GYPB: variants seen among roughly 807,000 people sequenced by gnomAD.
GYPB encodes glycophorin B (MNS blood group), also known as glycophorin-B.
GYPB carries 13 observed loss-of-function variants against 15.3 expected under a neutral mutation model. The ratio of observed to expected loss-of-function variants is 0.85; its 90% CI spans 0.55 to 1.35. The LOEUF (loss-of-function observed/expected upper bound fraction) is 1.35, where lower values mean the gene tolerates loss of function less well. Ranked by LOEUF, GYPB falls within the 40% of genes most tolerant of loss-of-function variation. The pLI, the probability that GYPB is intolerant of heterozygous loss-of-function variation, is 0.00. For synonymous variants in GYPB, 38 were observed against 36.9 expected (o/e 1.03, Z -0.11); for missense variants, 131 against 108.3 (o/e 1.21, Z -0.93).
intron 1 of GYPB, chr4:144,012,633 C>A (rs531839540): frequency 7.6e-4 from 115 of 151,616 alleles, no homozygotes; most frequent in Admixed American, 3.2e-3. Flanking sequence ...ACATATTCTT[C>A]GGATAGAATT....
intron 1 of GYPB, among the ~76,000 whole-genome samples, chr4:144,017,418 T>C (rs1728564010): frequency 6.6e-6 from 1 of 150,936 alleles, no homozygotes; most frequent in South Asian, 2.1e-4. Flanking sequence ...GGGGAAAAAC[T>C]TGATCTTCCA....
chr4:144,017,616 T>A lies in GYPB; in HGVS notation c.37+1635A>T, dbSNP rs2667355. ...ATCTGCTTGTGTAGTTGTAGAAATT[T>A]AAAAAAAAAATCATTTCTTTGCCAG... On this transcript the variant is annotated intron_variant, in intron 1 of 4. Coordinates refer to ENST00000502664, the MANE Select transcript of GYPB (RefSeq NM_002100.6). 2.2e-4 allele frequency among the ~76,000 whole-genome samples: 33 copies of A among 149,138 alleles called. 2 individuals are homozygous for A. Among genetic ancestry groups the A allele is most frequent in the African/African-American group, 5.5e-4 (22 of 39,964 alleles).
At chr4:143,999,609 A>T (rs1236508829) in intron 2 of GYPB, among the ~76,000 whole-genome samples, 160 bp from the exon 3 acceptor site, 1 of 151,482 alleles carries the variant, frequency 6.6e-6, no homozygotes, top group Non-Finnish European at 1.5e-5. Flanking sequence ...TTATGAGGTA[A>T]TGTGTCAGTC....
At chr4:144,010,634 T>C (rs1249115188) in intron 1 of GYPB, among the ~76,000 whole-genome samples, 1 of 151,388 alleles carries the variant, frequency 6.6e-6, no homozygotes, top group Admixed American at 6.6e-5. Flanking sequence ...TACTTGATTA[T>C]GTTTTGAGCC....
Position 144,012,477 on chromosome 4 carries a change from C to G in GYPB, c.37+6774G>C, listed in dbSNP as rs183664424. ...TTTTTGCAAGAATGGAAAACCTAAT[C>G]CTAAAATTTCTGTGAAATTATTAGG... On this transcript the variant is annotated intron_variant, in intron 1 of 4. Transcript: ENST00000502664. The G allele has an allele frequency of 2.0e-5, 3 of 151,498 alleles. No individual in the cohort carries two copies. In the East Asian group the frequency reaches 5.8e-4, roughly 29 times the overall value. 9.4% of individuals were successfully genotyped at this position (151,498 alleles called of 1,614,324 possible). A position where few individuals can be genotyped will look rare whatever the true frequency, so the allele number is the denominator to read the frequency against.
At chr4:144,009,173 C>G (rs1728082440) in intron 1 of GYPB, among the ~76,000 whole-genome samples, 1 of 151,320 alleles carries the variant, frequency 6.6e-6, no homozygotes, top group Non-Finnish European at 1.5e-5. Context: ...GTGTGTGAAA[C>G]AGACAGAGTT....
intron 1 of GYPB, among the ~76,000 whole-genome samples, chr4:144,013,906 TTAAAG>T (rs763430534): frequency 2.3e-4 from 34 of 150,438 alleles, no homozygotes; most frequent in African/African-American, 6.3e-4. Context: ...ACCCTAAAAC[TTAAAG>T]TATAGTAAAA....
intron 1 of GYPB, among the ~76,000 whole-genome samples, chr4:144,004,363 A>G (rs1264773260): frequency 6.6e-6 from 1 of 151,970 alleles, no homozygotes; most frequent in African/African-American, 2.4e-5. Context: ...TTCAGTAGGA[A>G]TTAATACCCA....
chr4:144,005,840 G>A (rs146997673), intron 1 of GYPB, among the ~76,000 whole-genome samples: 4,717 of 151,524 alleles, frequency 0.031, 102 homozygotes, highest in Admixed American at 0.051. Context: ...TGTATCACTG[G>A]ATGAACCCTG....
intron 1 of GYPB, among the ~76,000 whole-genome samples, chr4:144,011,765 C>T (rs538780993): frequency 5.9e-5 from 9 of 151,432 alleles, no homozygotes; most frequent in South Asian, 4.1e-4. Flanking sequence ...GGCATTCCCA[C>T]ATTCCCATAC....
chr4:144,017,242 T>C (rs1430300655), intron 1 of GYPB, among the ~76,000 whole-genome samples: 1 of 150,536 alleles, frequency 6.6e-6, no homozygotes, highest in Non-Finnish European at 1.5e-5. Context: ...GGGTTCTCCA[T>C]TTGGAAGAAG....
intron 1 of GYPB, among the ~76,000 whole-genome samples, chr4:144,005,082 T>C (rs529265853): frequency 3.8e-4 from 58 of 152,080 alleles, no homozygotes; most frequent in Middle Eastern, 3.4e-3. Context: ...AATCTACTTG[T>C]GTCATTCCTA....
Position 143,996,170 on chromosome 4 carries a change from C to G in GYPB, c.*129G>C. Reference sequence around the variant, plus strand: ...ATACAGTAATAGTGAGGCAGGAGAACAGGGAATTAGGATAGCCAGGGGTAG... The same window carrying G: ...ATACAGTAATAGTGAGGCAGGAGAAGAGGGAATTAGGATAGCCAGGGGTAG... On this transcript the variant is annotated 3_prime_UTR_variant, in exon 5 of 5. Coordinates refer to ENST00000502664, the MANE Select transcript of GYPB (RefSeq NM_002100.6). 1.3e-6 allele frequency: 2 copies of G among 1,527,258 alleles called. No homozygotes were observed. Among genetic ancestry groups the G allele is most frequent in the Non-Finnish European group, 1.8e-6 (2 of 1,132,522 alleles). The allele number at this position is 1,527,258 out of a possible 1,614,324, so 94.6% of individuals were successfully genotyped here.
chr4:144,005,627 C>G (rs1457553297), intron 1 of GYPB, among the ~76,000 whole-genome samples: 1 of 151,588 alleles, frequency 6.6e-6, no homozygotes, highest in Non-Finnish European at 1.5e-5. Context: ...CATCTTCTGG[C>G]AGGAACACAT....
intron 1 of GYPB, among the ~76,000 whole-genome samples, chr4:144,001,999 C>T (rs941025865): frequency 6.9e-6 from 1 of 144,056 alleles, no homozygotes; most frequent in African/African-American, 2.6e-5. Context: ...ACCACACACG[C>T]AAACAGGAAA....
chr4:144,015,245 A>G (rs1728429255), intron 1 of GYPB, among the ~76,000 whole-genome samples: 1 of 151,454 alleles, frequency 6.6e-6, no homozygotes, highest in Non-Finnish European at 1.5e-5. Flanking sequence ...ATAAAACCTT[A>G]CAATCCCAAC....
chr4:144,019,355 T>G lies in GYPB; in HGVS notation c.-68A>C. On this transcript the variant is annotated 5_prime_UTR_variant, in exon 1 of 5. Coordinates refer to ENST00000502664, the MANE Select transcript of GYPB (RefSeq NM_002100.6). ...TACCAAAGACAACTGCAAGTGTCAG[T>G]GTCTGGCCTTAGCCTACTAGCTGTT... 6.2e-7 allele frequency: 1 copy of G among 1,611,384 alleles called. No homozygotes were observed. Among genetic ancestry groups the G allele is most frequent in the Non-Finnish European group, 8.5e-7 (1 of 1,179,138 alleles).
intron 1 of GYPB, chr4:144,002,817 C>T (rs1727698460): frequency 1.5e-5 from 7 of 470,284 alleles, no homozygotes; most frequent in South Asian, 1.1e-4. Flanking sequence ...ACCTCCAAAT[C>T]ATGGAGAAGA....
Position 144,014,483 on chromosome 4 carries a change from C to T in GYPB, c.37+4768G>A, listed in dbSNP as rs144013126. 2.6e-4 allele frequency among the ~76,000 whole-genome samples: 39 copies of T among 151,618 alleles called. No homozygotes were observed. The East Asian group carries it at 3.9e-3, about 15-fold the overall frequency. Reference sequence around the variant, plus strand: ...ATAAAAGGAATGAAATACTGATACACGCTACAATATGGATGAACTTTATTT... The same window carrying T: ...ATAAAAGGAATGAAATACTGATACATGCTACAATATGGATGAACTTTATTT... On this transcript the variant is annotated intron_variant, in intron 1 of 4. Transcript: ENST00000502664.
Sources: gnomAD v4.1 joint callset for allele counts (sites outside exome capture counted in the v4.1 genomes callset) on GRCh38, gnomAD v4.1.1 for gene constraint, MANE v1.5 for transcripts, NCBI Gene and HGNC (gene_info 2026-07-23, HGNC 2026-07-21) for gene names.